The following DYM variants were observed in gnomAD, a reference collection of about 807,000 sequenced individuals.
DYM encodes dyggve-Melchior-Clausen syndrome protein.
Under a neutral mutation model 93.1 loss-of-function variants are expected in DYM, and 78 were observed. That is an observed-to-expected ratio of 0.84 (90% CI 0.70 to 1.01). The LOEUF is 1.01. Ranked by LOEUF, DYM falls within the 50% of genes least tolerant of loss-of-function variation. The pLI, the probability that DYM is intolerant of heterozygous loss-of-function variation, is 0.00. For synonymous variants in DYM, 321 were observed against 319.7 expected (o/e 1.00, Z -0.04); for missense variants, 789 against 845.0 (o/e 0.93, Z 0.82).
intron 3 of DYM, among the ~76,000 whole-genome samples, chr18:49,385,511 C>G (rs901964963): frequency 6.6e-6 from 1 of 152,146 alleles, no homozygotes; most frequent in Non-Finnish European, 1.5e-5. Flanking sequence ...GTCTCACTGA[C>G]ATGGTGAAAC....
At chr18:49,421,129 T>C (rs1323525097) in intron 2 of DYM, among the ~76,000 whole-genome samples, 3 of 152,192 alleles carry the variant, frequency 2.0e-5, no homozygotes, top group Admixed American at 2.0e-4. Context: ...TGTCCATGTC[T>C]GACAGCTTTG....
intron 17 of DYM, among the ~76,000 whole-genome samples, chr18:49,092,731 G>T (rs943119121): frequency 6.6e-6 from 1 of 152,188 alleles, no homozygotes; most frequent in African/African-American, 2.4e-5. Flanking sequence ...AAAGGGACAG[G>T]TGGGTGCATA....
Position 49,273,249 on chromosome 18 carries a change from A to G in DYM, c.1126-946T>C, listed in dbSNP as rs188243599. Among the ~76,000 whole-genome samples, 486 of 152,286 alleles carry G rather than the reference A, an allele frequency of 3.2e-3. 2 individuals carry two copies. The highest frequency in any genetic ancestry group is 5.8e-3 in the Non-Finnish European group (393 of 67,996). ...AAACTTCCTCTAAATTATGAAGTTC[A>G]GTGCATGAGCACTATTAACTTCCAG... On this transcript the variant is annotated intron_variant, in intron 10 of 17. Coordinates refer to ENST00000675505, the MANE Select transcript of DYM (RefSeq NM_001353214.3).
intron 8 of DYM, among the ~76,000 whole-genome samples, chr18:49,315,525 C>G (rs1385876773): frequency 2.0e-5 from 3 of 152,166 alleles, no homozygotes; most frequent in Non-Finnish European, 2.9e-5. Context: ...TTCCACCTAT[C>G]TTTGCCCATC....
Position 49,306,483 on chromosome 18 carries a change from T to C in DYM, c.764-19867A>G, listed in dbSNP as rs1469163884. Among the ~76,000 whole-genome samples the C allele has an allele frequency of 1.1e-4, 16 of 152,168 alleles. 1 individual carries two copies. The highest frequency in any genetic ancestry group is 1.0e-3 in the Admixed American group (16 of 15,270). ...TTCTTGGAGACAGCCCATGGTGCAC[T>C]AGGAATAAGCAAAACCACAGAATGA... On this transcript the variant is annotated intron_variant, in intron 8 of 17. Transcript: ENST00000675505.
chr18:49,219,134 G>T (rs1202186428), intron 13 of DYM, among the ~76,000 whole-genome samples: 1 of 152,066 alleles, frequency 6.6e-6, no homozygotes, highest in African/African-American at 2.4e-5. Context: ...ACACCTCTAC[G>T]CAAATAAACT....
intron 17 of DYM, among the ~76,000 whole-genome samples, chr18:49,080,513 G>A (rs1382169410): frequency 7.1e-6 from 1 of 141,056 alleles, no homozygotes; most frequent in Non-Finnish European, 1.6e-5. Flanking sequence ...GGGCAGAGGG[G>A]CTCCTCACTT....
At chr18:49,170,167 C>A (rs2088477092) in intron 14 of DYM, among the ~76,000 whole-genome samples, 1 of 152,154 alleles carries the variant, frequency 6.6e-6, no homozygotes. Context: ...CTACCATTAT[C>A]CATTCTCCCT....
At chr18:49,078,935 G>A (rs916505944) in intron 17 of DYM, among the ~76,000 whole-genome samples, 10 of 152,108 alleles carry the variant, frequency 6.6e-5, no homozygotes, top group Admixed American at 3.9e-4. Flanking sequence ...AGAAGTGCAA[G>A]GTTAATTGAG....
intron 1 of DYM, among the ~76,000 whole-genome samples, chr18:49,440,951 TATA>T: frequency 2.8e-3 from 1 of 362 alleles, no homozygotes; most frequent in Non-Finnish European, 4.6e-3. Flanking sequence ...TAATATATTA[TATA>T]AATATATTAT....
intron 14 of DYM, among the ~76,000 whole-genome samples, chr18:49,199,490 A>G (rs1350811758): frequency 6.6e-6 from 1 of 152,226 alleles, no homozygotes; most frequent in Non-Finnish European, 1.5e-5. Context: ...TTAAGACTGA[A>G]TACCACATTA....
chr18:49,423,690 C>A (rs867336852), intron 2 of DYM, among the ~76,000 whole-genome samples: 1 of 151,408 alleles, frequency 6.6e-6, no homozygotes, highest in Admixed American at 6.6e-5. Context: ...ATCAAATAGA[C>A]GCAATAAAAA....
At chr18:49,339,159 C>A (rs1312892339) in intron 6 of DYM, among the ~76,000 whole-genome samples, 1 of 152,204 alleles carries the variant, frequency 6.6e-6, no homozygotes, top group Admixed American at 6.5e-5. Context: ...TATAAAAACC[C>A]TCATGCTCTG....
At chr18:49,105,157 T>C (rs1206198881) in intron 16 of DYM, among the ~76,000 whole-genome samples, 1 of 152,214 alleles carries the variant, frequency 6.6e-6, no homozygotes, top group Non-Finnish European at 1.5e-5. Flanking sequence ...TGTCCAGGAA[T>C]TTATCCATTT....
chr18:49,170,030 A>G lies in DYM; in HGVS notation c.1626-6243T>C, dbSNP rs115479244. Among the ~76,000 whole-genome samples, 460 of 151,564 alleles carry G rather than the reference A, an allele frequency of 3.0e-3. 3 individuals are homozygous for G. Among genetic ancestry groups the G allele is most frequent in the African/African-American group, 0.01 (425 of 41,504 alleles). ...GTGGCTAGCTGATAAGGTGACTGACATGCTAGGAATACAACAAGTTGAAAG... is the reference window on the plus strand; with the variant it reads ...GTGGCTAGCTGATAAGGTGACTGACGTGCTAGGAATACAACAAGTTGAAAG... On this transcript the variant is annotated intron_variant, in intron 14 of 17. Transcript: ENST00000675505.
At chr18:49,245,972 G>A (rs1022471170) in intron 13 of DYM, among the ~76,000 whole-genome samples, 7 of 152,296 alleles carry the variant, frequency 4.6e-5, no homozygotes, top group East Asian at 1.9e-4. Flanking sequence ...TGGTTCCCCC[G>A]ATAGGTGACT....
intron 14 of DYM, among the ~76,000 whole-genome samples, chr18:49,186,161 A>G (rs1269170402): frequency 3.9e-5 from 6 of 152,152 alleles, no homozygotes; most frequent in Admixed American, 3.9e-4. Flanking sequence ...TTTGGATCAT[A>G]AATTATATAA....
chr18:49,382,238 A>T (rs779023236), intron 3 of DYM, among the ~76,000 whole-genome samples: 1 of 152,202 alleles, frequency 6.6e-6, no homozygotes, highest in Non-Finnish European at 1.5e-5. Context: ...GATTCACTCA[A>T]TCAGCGTGTA....
At chr18:49,106,020 C>T (rs1177050979) in intron 16 of DYM, among the ~76,000 whole-genome samples, 1 of 152,046 alleles carries the variant, frequency 6.6e-6, no homozygotes, top group Non-Finnish European at 1.5e-5. Context: ...TTAGAGTCTC[C>T]CATTATTATT....
Sources: allele counts gnomAD v4.1 joint callset (sites outside exome capture counted in the v4.1 genomes callset), GRCh38; gene constraint gnomAD v4.1.1; transcripts MANE v1.5; gene names NCBI Gene and HGNC (gene_info 2026-07-23, HGNC 2026-07-21).